The following DGKB variants were observed in gnomAD, a reference collection of about 807,000 sequenced individuals.
The protein encoded by DGKB is 90 kDa diacylglycerol kinase.
In DGKB, 67 loss-of-function variants were observed where a neutral mutation model predicts 114.3. The observed-to-expected ratio is 0.59, with a 90% CI of 0.48 to 0.72. The LOEUF is 0.72. Among genes scored for constraint, DGKB ranks in the 30% least tolerant of loss-of-function variants. DGKB has a pLI of 0.00. For synonymous variants in DGKB, 398 were observed against 323.1 expected (o/e 1.23, Z -2.49); for missense variants, 907 against 975.2 (o/e 0.93, Z 0.93).
At chr7:14,396,460 T>C (rs1822234074) in intron 21 of DGKB, among the ~76,000 whole-genome samples, 1 of 152,088 alleles carries the variant, frequency 6.6e-6, no homozygotes, top group Admixed American at 6.6e-5. Flanking sequence ...TAGATTCATA[T>C]CAGTCTTTGT....
At chr7:14,633,971 A>G (rs956655395) in intron 13 of DGKB, among the ~76,000 whole-genome samples, 1 of 151,466 alleles carries the variant, frequency 6.6e-6, no homozygotes, top group Non-Finnish European at 1.5e-5. Context: ...TTAAATTGAC[A>G]ATTTAATCCA....
intron 13 of DGKB, among the ~76,000 whole-genome samples, chr7:14,641,178 T>C (rs935890028): frequency 4.6e-5 from 7 of 152,204 alleles, no homozygotes; most frequent in Non-Finnish European, 1.0e-4. Context: ...TTTTCCAAAA[T>C]GGATAGAAAA....
intron 1 of DGKB, among the ~76,000 whole-genome samples, chr7:14,849,758 C>G (rs1849100298): frequency 6.6e-6 from 1 of 152,088 alleles, no homozygotes; most frequent in Non-Finnish European, 1.5e-5. Context: ...TCACACTGAC[C>G]AAACCTCACC....
At chr7:14,623,757 AG>A (rs1808067596) in intron 14 of DGKB, among the ~76,000 whole-genome samples, 1 of 152,194 alleles carries the variant, frequency 6.6e-6, no homozygotes, top group Non-Finnish European at 1.5e-5. Context: ...GATTTTTAAA[AG>A]AAAGTTCCTT....
In DGKB at chr7:14,892,465, T is replaced by A. The variant is rs553361633; in HGVS notation, c.-188+10127A>T. Among the ~76,000 whole-genome samples, 5 of 151,342 alleles carry A rather than the reference T, an allele frequency of 3.3e-5. No individual in the cohort carries two copies. The South Asian group carries it at 1.0e-3, about 31-fold the overall frequency. On this transcript the variant is annotated intron_variant, in intron 1 of 25. Coordinates refer to ENST00000402815, the MANE Select transcript of DGKB (RefSeq NM_001350709.2). ...GACACTGAGGGGTAGATGGTGGTAATGTAATCAAGGCAAAATGAAAAACAT... is the reference window on the plus strand; with the variant it reads ...GACACTGAGGGGTAGATGGTGGTAAAGTAATCAAGGCAAAATGAAAAACAT...
At chr7:14,220,121 C>A (rs961786988) in intron 23 of DGKB, among the ~76,000 whole-genome samples, 1 of 151,608 alleles carries the variant, frequency 6.6e-6, no homozygotes, top group East Asian at 1.9e-4. Flanking sequence ...AACTGTACAG[C>A]ATGTTTACTG....
At chr7:14,818,526 T>C (rs1417822371) in intron 2 of DGKB, among the ~76,000 whole-genome samples, 2 of 152,208 alleles carry the variant, frequency 1.3e-5, no homozygotes, top group African/African-American at 4.8e-5. Flanking sequence ...TCCTGCCCTA[T>C]TGCCACAGTA....
chr7:14,511,619 G>A (rs1436292180), intron 20 of DGKB, among the ~76,000 whole-genome samples: 1 of 152,134 alleles, frequency 6.6e-6, no homozygotes, highest in Non-Finnish European at 1.5e-5. Context: ...TTCCTTTCAA[G>A]AACATTTCCT....
chr7:14,947,047 TTAAGA>T (rs903518529), intron 1 of DGKB, among the ~76,000 whole-genome samples: 4 of 151,738 alleles, frequency 2.6e-5, no homozygotes, highest in African/African-American at 7.2e-5. Flanking sequence ...TTTGTTTTAC[TTAAGA>T]TAAGAATTAA....
At chr7:14,551,428 A>G (rs143540477) in intron 20 of DGKB, among the ~76,000 whole-genome samples, 104 of 152,326 alleles carry the variant, frequency 6.8e-4, no homozygotes, top group African/African-American at 2.4e-3. Context: ...ACCTTTCCAG[A>G]AGCCTTTACA....
At chr7:14,709,688 T>G (rs62448694) in intron 6 of DGKB, among the ~76,000 whole-genome samples, 5,326 of 145,146 alleles carry the variant, frequency 0.037, 124 homozygotes, top group Non-Finnish European at 0.05. Flanking sequence ...AAATTGGAAA[T>G]CATCATTCTC....
chr7:14,766,775 C>CAATCAAGTAGATGCATCAAG (rs1386426379), intron 2 of DGKB, among the ~76,000 whole-genome samples: 1 of 151,588 alleles, frequency 6.6e-6, no homozygotes, highest in Non-Finnish European at 1.5e-5. Context: ...AGTTCAAGTA[C>CAATCAAGTAGATGCATCAAG]CAGGAAAAGA....
At chr7:14,917,696 A>G (rs1784307489) in intron 1 of DGKB, among the ~76,000 whole-genome samples, 1 of 152,020 alleles carries the variant, frequency 6.6e-6, no homozygotes, top group African/African-American at 2.4e-5. Context: ...ACATTTAAGG[A>G]AGAAATAATA....
At chr7:14,278,877 G>T (rs1294953552) in intron 23 of DGKB, among the ~76,000 whole-genome samples, 1 of 152,162 alleles carries the variant, frequency 6.6e-6, no homozygotes, top group Non-Finnish European at 1.5e-5. Flanking sequence ...GAAAGGAGGA[G>T]CCAAGACGGC....
intron 13 of DGKB, among the ~76,000 whole-genome samples, chr7:14,636,646 G>A (rs937220863): frequency 6.6e-6 from 1 of 151,800 alleles, no homozygotes; most frequent in Non-Finnish European, 1.5e-5. Context: ...AGGAATCTAA[G>A]AGCCCCATTA....
chr7:14,710,337 C>A (rs1397472449), intron 6 of DGKB, among the ~76,000 whole-genome samples: 2 of 152,002 alleles, frequency 1.3e-5, no homozygotes, highest in African/African-American at 4.8e-5. Flanking sequence ...TACAGAAATA[C>A]AAGTGATTTT....
chr7:14,262,174 T>C (rs1220391892), intron 23 of DGKB, among the ~76,000 whole-genome samples: 5 of 152,172 alleles, frequency 3.3e-5, no homozygotes, highest in Non-Finnish European at 7.4e-5. Context: ...GGAAACCCAG[T>C]AGTCCAATGG....
At chr7:14,716,780 C>T (rs115125669) in intron 6 of DGKB, among the ~76,000 whole-genome samples, 3,493 of 152,120 alleles carry the variant, frequency 0.023, 151 homozygotes, top group African/African-American at 0.079. Context: ...AACCAAACTT[C>T]GGATGATTCT....
chr7:14,210,771 G>C lies in DGKB; in HGVS notation c.2123-32620C>G, dbSNP rs77394573. Among the ~76,000 whole-genome samples, 122 of 152,160 alleles carry C rather than the reference G, an allele frequency of 8.0e-4. 2 individuals carry two copies. The highest frequency in any genetic ancestry group is 2.9e-3 in the African/African-American group (120 of 41,532). On this transcript the variant is annotated intron_variant, in intron 23 of 25. Transcript: ENST00000402815. ...AGAGAAAATCAGTGGGATTGCTTTA[G>C]CAGTCTGCCATCTAAGAATCTACAT...
Sources: allele counts gnomAD v4.1 joint callset (sites outside exome capture counted in the v4.1 genomes callset), GRCh38; gene constraint gnomAD v4.1.1; transcripts MANE v1.5; gene names NCBI Gene and HGNC (gene_info 2026-07-23, HGNC 2026-07-21).